UNC13C: variants seen among roughly 807,000 people sequenced by gnomAD.
UNC13C encodes protein unc-13 homolog C.
A neutral mutation model predicts 245.4 loss-of-function variants in UNC13C; 174 were observed. The ratio of observed to expected loss-of-function variants is 0.71; its 90% confidence interval spans 0.63 to 0.80. The LOEUF (loss-of-function observed/expected upper bound fraction) is 0.80, where lower values mean the gene tolerates loss of function less well. Among genes scored for constraint, UNC13C ranks in the 30% least tolerant of loss-of-function variants. The pLI, the probability that UNC13C is intolerant of heterozygous loss-of-function variation, is 0.00. For synonymous variants in UNC13C, 992 were observed against 895.1 expected, an observed-to-expected ratio of 1.11 and a Z score of -1.93; for missense variants, 2,829 against 2,602.9, an observed-to-expected ratio of 1.09 and a Z score of -1.89.
At chr15:54,081,051 A>G (rs751590577) in intron 2 of UNC13C, among the ~76,000 whole-genome samples, 18 of 152,074 alleles carry the variant, frequency 1.2e-4, no homozygotes, top group Non-Finnish European at 2.5e-4. Context: ...TTCTGCCTTA[A>G]TTTAGTTGCT....
At chr15:53,982,271 G>A (rs536810215) in intron 1 of UNC13C, among the ~76,000 whole-genome samples, 1 of 152,192 alleles carries the variant, frequency 6.6e-6, no homozygotes, top group East Asian at 1.9e-4. Context: ...GAGAATCTGG[G>A]TGCAATATGT....
At chr15:54,049,620 G>T (rs967949548) in intron 2 of UNC13C, 1 of 250,400 alleles carries the variant, frequency 4.0e-6, no homozygotes, top group Non-Finnish European at 7.9e-6. Context: ...TCCACCACAG[G>T]TGCAAAAACA....
chr15:54,583,019 C>T (rs1463854235), intron 30 of UNC13C, among the ~76,000 whole-genome samples: 1 of 152,112 alleles, frequency 6.6e-6, no homozygotes, highest in African/African-American at 2.4e-5. Context: ...CTCGGTTACA[C>T]TCAGAGTTTC....
intron 2 of UNC13C, among the ~76,000 whole-genome samples, chr15:54,101,124 A>G (rs1375751698): frequency 2.0e-5 from 3 of 152,104 alleles, no homozygotes; most frequent in East Asian, 1.9e-4. Context: ...ATTTCCTTCA[A>G]TATATTTATG....
the UNC13C span, among the ~76,000 whole-genome samples, chr15:53,940,503 A>G: frequency 6.6e-6 from 1 of 152,138 alleles, no homozygotes; most frequent in African/African-American, 2.4e-5. Context: ...AGGGTAATCA[A>G]ATGAAAACAG....
chr15:54,459,087 G>C (rs964434524), intron 19 of UNC13C, among the ~76,000 whole-genome samples: 2 of 152,006 alleles, frequency 1.3e-5, no homozygotes, highest in Non-Finnish European at 2.9e-5. Context: ...TAGTGCTGGC[G>C]TGGTAGTGGT....
intron 10 of UNC13C, among the ~76,000 whole-genome samples, chr15:54,280,084 G>A (rs577612437): frequency 9.8e-4 from 149 of 152,128 alleles, no homozygotes; most frequent in African/African-American, 3.5e-3. Context: ...TTTAAATCTA[G>A]CAAAGCTACT....
chr15:54,301,968 A>G (rs1384536348), intron 13 of UNC13C, among the ~76,000 whole-genome samples: 1 of 152,084 alleles, frequency 6.6e-6, no homozygotes, highest in East Asian at 1.9e-4. Flanking sequence ...CTGACTTTTT[A>G]ATGATCACCA....
the UNC13C span, among the ~76,000 whole-genome samples, chr15:53,941,753 T>C: frequency 6.6e-6 from 1 of 152,124 alleles, no homozygotes; most frequent in African/African-American, 2.4e-5. Flanking sequence ...GCAAAGGATA[T>C]GAACAGACAT....
intron 7 of UNC13C, among the ~76,000 whole-genome samples, chr15:54,241,645 A>G (rs1261291950): frequency 2.6e-5 from 4 of 152,260 alleles, no homozygotes; most frequent in African/African-American, 4.8e-5. Context: ...GTTACCTCAC[A>G]GTTTGTGAGA....
chr15:54,201,184 C>A (rs1053352232), intron 4 of UNC13C, among the ~76,000 whole-genome samples: 5 of 151,774 alleles, frequency 3.3e-5, no homozygotes, highest in African/African-American at 9.7e-5. Context: ...AAGTTGCCAA[C>A]AACAAAAATG....
At chr15:54,604,911 T>C (rs1899678446) in intron 30 of UNC13C, among the ~76,000 whole-genome samples, 1 of 151,750 alleles carries the variant, frequency 6.6e-6, no homozygotes, top group South Asian at 2.1e-4. Flanking sequence ...CCTACCTAAT[T>C]AACAAATCTG....
At chr15:54,019,888 A>G (rs1023904049) in intron 2 of UNC13C, among the ~76,000 whole-genome samples, 11 of 152,112 alleles carry the variant, frequency 7.2e-5, no homozygotes, top group African/African-American at 2.7e-4. Context: ...TTATTAGCAT[A>G]TTTTCACAGA....
chr15:54,478,803 G>C (rs1045654951), intron 19 of UNC13C, among the ~76,000 whole-genome samples: 1 of 152,114 alleles, frequency 6.6e-6, no homozygotes, highest in Non-Finnish European at 1.5e-5. Context: ...TTGGGGTGGA[G>C]AGTTCTGTAG....
intron 28 of UNC13C, 58 bp from the exon 29 acceptor site, chr15:54,555,374 G>A (rs1282154433): frequency 1.4e-6 from 2 of 1,385,732 alleles, no homozygotes; most frequent in Non-Finnish European, 2.0e-6. Flanking sequence ...ATGTTTTCAA[G>A]TAGTTGTTGA....
In UNC13C at chr15:54,589,289, C is replaced by CTTTTTTTTTTTTTTTTTTT. The variant is rs71105821; in HGVS notation, c.6106+21351_6106+21369dup. On this transcript the variant is annotated intron_variant, in intron 30 of 32. Coordinates refer to ENST00000260323, the MANE Select transcript of UNC13C (RefSeq NM_001080534.3). ...GCCATTTGTATATCTTCTTCTTCTTCTTTTTTTTTTTTTTTTTTTTTTTTT... is the reference window on the plus strand; with the variant it reads ...GCCATTTGTATATCTTCTTCTTCTTCTTTTTTTTTTTTTTTTTTTTTTTTTTTTTTTTTTTTTTTTTTTT... Among the ~76,000 whole-genome samples, 13 of 53,486 alleles carry CTTTTTTTTTTTTTTTTTTT rather than the reference C, an allele frequency of 2.4e-4. 4 individuals are homozygous for CTTTTTTTTTTTTTTTTTTT. The highest frequency in any genetic ancestry group is 3.6e-4 in the Admixed American group (1 of 2,758). The allele number at this position is 53,486 out of a possible 152,430, so 35.1% of individuals were successfully genotyped here.
intron 1 of UNC13C, among the ~76,000 whole-genome samples, chr15:53,986,919 T>G (rs1444709725): frequency 6.6e-6 from 1 of 152,018 alleles, no homozygotes; most frequent in Non-Finnish European, 1.5e-5. Context: ...AGATCCTATT[T>G]ATCAGGAATT....
chr15:54,481,164 A>G (rs373713322), intron 19 of UNC13C, among the ~76,000 whole-genome samples: 13 of 147,976 alleles, frequency 8.8e-5, no homozygotes, highest in African/African-American at 2.8e-4. Flanking sequence ...AGCTGCCGTT[A>G]TTAGTGGAGG....
intron 13 of UNC13C, among the ~76,000 whole-genome samples, chr15:54,314,603 G>A (rs2037963126): frequency 6.6e-6 from 1 of 151,488 alleles, no homozygotes; most frequent in African/African-American, 2.4e-5. Flanking sequence ...AATTAGAAAA[G>A]GAAAGAAATG....
Sources: gnomAD v4.1 joint callset for allele counts (sites outside exome capture counted in the v4.1 genomes callset) on GRCh38, gnomAD v4.1.1 for gene constraint, MANE v1.5 for transcripts, NCBI Gene and HGNC (gene_info 2026-07-23, HGNC 2026-07-21) for gene names.